The following ENTREP2 variants were observed in gnomAD, a reference collection of about 807,000 sequenced individuals.
ENTREP2 encodes endosomal transmembrane epsin interactor 2.
At chr15:29,370,551 T>C in the ENTREP2 span, among the ~76,000 whole-genome samples, 2 of 152,052 alleles carry the variant, frequency 1.3e-5, no homozygotes, top group African/African-American at 2.4e-5. Flanking sequence ...GCCTAAATTA[T>C]TGACAACCGG....
chr15:29,522,416 T>C, the ENTREP2 span, among the ~76,000 whole-genome samples: 2 of 152,116 alleles, frequency 1.3e-5, no homozygotes, highest in African/African-American at 4.8e-5. Flanking sequence ...AATGCCAGAG[T>C]TGAAGACCAA....
At chr15:29,641,194 T>C in the ENTREP2 span, among the ~76,000 whole-genome samples, 7,118 of 152,282 alleles carry the variant, frequency 0.047, 513 homozygotes, top group African/African-American at 0.16. Flanking sequence ...AAAGCATCTA[T>C]GAAAAACTTA....
the ENTREP2 span, among the ~76,000 whole-genome samples, chr15:29,226,845 G>C: frequency 6.6e-6 from 1 of 152,216 alleles, no homozygotes; most frequent in African/African-American, 2.4e-5. Context: ...GCCACTGACT[G>C]TCTTAACCTG....
the ENTREP2 span, among the ~76,000 whole-genome samples, chr15:29,247,439 C>T: frequency 4.0e-5 from 6 of 151,896 alleles, no homozygotes; most frequent in African/African-American, 9.7e-5. Context: ...ATTAAAAGTC[C>T]GGGATGGGGT....
the ENTREP2 span, among the ~76,000 whole-genome samples, chr15:29,337,997 C>T: frequency 1.3e-5 from 2 of 152,108 alleles, no homozygotes; most frequent in Admixed American, 6.5e-5. Context: ...GACAACAACA[C>T]CTTCTTTTTG....
the ENTREP2 span, chr15:29,124,708 A>T: frequency 6.4e-7 from 1 of 1,550,644 alleles, no homozygotes; most frequent in East Asian, 2.4e-5. Context: ...ACAGCCTCAG[A>T]CAGTCCCGCT....
the ENTREP2 span, among the ~76,000 whole-genome samples, chr15:29,158,640 A>G: frequency 6.6e-6 from 1 of 152,172 alleles, no homozygotes; most frequent in Admixed American, 6.6e-5. Flanking sequence ...CTGCTTTTTG[A>G]AAGTTTTATC....
chr15:29,651,795 G>A, the ENTREP2 span, among the ~76,000 whole-genome samples: 1 of 152,252 alleles, frequency 6.6e-6, no homozygotes, highest in Admixed American at 6.5e-5. Flanking sequence ...GCATGGGAGG[G>A]GAAGCCAAGG....
At chr15:29,125,188 C>T in the ENTREP2 span, among the ~76,000 whole-genome samples, 1 of 152,188 alleles carries the variant, frequency 6.6e-6, no homozygotes, top group Non-Finnish European at 1.5e-5. Context: ...CATCAGGGGG[C>T]CACAGAGTGG....
chr15:29,437,677 G>A, the ENTREP2 span, among the ~76,000 whole-genome samples: 4 of 152,188 alleles, frequency 2.6e-5, no homozygotes, highest in Non-Finnish European at 4.4e-5. Context: ...GTGCCTGTAG[G>A]TTGGATAAAA....
chr15:29,136,598 C>T, the ENTREP2 span: 9 of 1,323,520 alleles, frequency 6.8e-6, no homozygotes, highest in Non-Finnish European at 9.1e-6. Flanking sequence ...GCCAGGGCTT[C>T]CCCTCTTCTA....
At chr15:29,134,003 C>T in the ENTREP2 span, among the ~76,000 whole-genome samples, 13 of 152,234 alleles carry the variant, frequency 8.5e-5, no homozygotes, top group Middle Eastern at 3.4e-3. Flanking sequence ...CCCTGCACCT[C>T]GCATGCCTGA....
At chr15:29,127,210 G>A in the ENTREP2 span, among the ~76,000 whole-genome samples, 1 of 152,160 alleles carries the variant, frequency 6.6e-6, no homozygotes, top group Non-Finnish European at 1.5e-5. Context: ...ACGGGGGCTG[G>A]ATCGGAGTCT....
chr15:29,633,461 G>T, the ENTREP2 span, among the ~76,000 whole-genome samples: 1 of 152,026 alleles, frequency 6.6e-6, no homozygotes, highest in East Asian at 1.9e-4. Flanking sequence ...TTGATGTTGG[G>T]GGGGGCGGGC....
chr15:29,123,321 G>A, the ENTREP2 span: 3 of 1,494,616 alleles, frequency 2.0e-6, no homozygotes, highest in Admixed American at 6.7e-5. Context: ...GGTGTCCACG[G>A]TCAGAAATGT....
At chr15:29,188,684 T>C in the ENTREP2 span, among the ~76,000 whole-genome samples, 3 of 152,170 alleles carry the variant, frequency 2.0e-5, no homozygotes, top group Admixed American at 2.0e-4. Flanking sequence ...TCCTGGGTGA[T>C]AGGAGTGTCT....
the ENTREP2 span, among the ~76,000 whole-genome samples, chr15:29,257,613 T>C: frequency 6.6e-6 from 1 of 152,214 alleles, no homozygotes; most frequent in Non-Finnish European, 1.5e-5. Context: ...CTATTTTTCA[T>C]TCCCACTAAC....
the ENTREP2 span, among the ~76,000 whole-genome samples, chr15:29,315,932 C>T: frequency 7.4e-6 from 1 of 135,956 alleles, no homozygotes. Context: ...ATGTGTACAG[C>T]ACATGTGCTT....
At chr15:29,496,137 TTA>T in the ENTREP2 span, among the ~76,000 whole-genome samples, 140 of 152,028 alleles carry the variant, frequency 9.2e-4, no homozygotes, top group African/African-American at 3.3e-3. Flanking sequence ...TTAAGCTTAT[TTA>T]TGTTATTATT....
Sources: gnomAD v4.1 joint callset for allele counts (sites outside exome capture counted in the v4.1 genomes callset) on GRCh38, gnomAD v4.1.1 for gene constraint, MANE v1.5 for transcripts, NCBI Gene and HGNC (gene_info 2026-07-23, HGNC 2026-07-21) for gene names.